EYS: variants seen among roughly 807,000 people sequenced by gnomAD.
EYS encodes protein eyes shut homolog.
EYS carries 250 observed loss-of-function variants against 282.1 expected under a neutral mutation model. That is an observed-to-expected ratio of 0.89 (90% CI 0.80 to 0.98). The LOEUF (loss-of-function observed/expected upper bound fraction) is 0.98. EYS is among the 50% of genes least tolerant of loss of function. The probability of loss-of-function intolerance (pLI) is 0.00; values close to 1 mark genes in which losing one functional copy is unlikely to be tolerated. For missense variants in EYS, 4,016 were observed against 3,709.0 expected, an observed-to-expected ratio of 1.08 and a Z score of -2.15; for synonymous variants, 1,355 against 1,282.9, an observed-to-expected ratio of 1.06 and a Z score of -1.20.
chr6:64,087,032 A>G (rs531253230), intron 31 of EYS, among the ~76,000 whole-genome samples: 1 of 152,178 alleles, frequency 6.6e-6, no homozygotes, highest in Non-Finnish European at 1.5e-5. Context: ...AAGTTTGGAT[A>G]TGAATTTGGA....
intron 29 of EYS, among the ~76,000 whole-genome samples, chr6:64,334,356 A>G (rs1561936010): frequency 6.6e-6 from 1 of 152,172 alleles, no homozygotes; most frequent in South Asian, 2.1e-4. Context: ...GGGAAGATCT[A>G]AGCTATCCGG....
At chr6:65,650,128 T>C (rs953109833) in intron 1 of EYS, among the ~76,000 whole-genome samples, 1 of 152,310 alleles carries the variant, frequency 6.6e-6, no homozygotes, top group African/African-American at 2.4e-5. Flanking sequence ...ATTCTCAGTG[T>C]TATCTGAGCA....
At chr6:65,271,128 T>A (rs1453051493) in intron 12 of EYS, among the ~76,000 whole-genome samples, 7 of 55,784 alleles carry the variant, frequency 1.3e-4, no homozygotes, top group African/African-American at 3.2e-4. Flanking sequence ...AATCAATAGA[T>A]TATATATATA....
chr6:65,483,775 A>G (rs1214078954), intron 5 of EYS, among the ~76,000 whole-genome samples: 1 of 152,166 alleles, frequency 6.6e-6, no homozygotes, highest in Non-Finnish European at 1.5e-5. Context: ...ACGGACCTAC[A>G]GTTCCACGTG....
rs557616907 is a variant in EYS at position 64,577,653 on chromosome 6, G to A, written c.5644+12570C>T. Among the ~76,000 whole-genome samples, 4 of 152,174 alleles carry A rather than the reference G, an allele frequency of 2.6e-5. No individual in the cohort carries two copies. In the South Asian group the frequency reaches 6.2e-4, roughly 24 times the overall value. On this transcript the variant is annotated intron_variant, in intron 26 of 42. Transcript: ENST00000503581. Reference sequence around the variant, plus strand: ...TCAATTTCCAAGAATGAGTATAGATGCACAACACTAAACATATATTTTAGA... The same window carrying A: ...TCAATTTCCAAGAATGAGTATAGATACACAACACTAAACATATATTTTAGA...
rs185306088 is a variant in EYS at position 64,639,588 on chromosome 6, G to T, written c.3444-13343C>A. ...TAATTCAAGGATTAAAGACTTAAAC[G>T]TTAGACCTAAAACCATAAAAACCCT... On this transcript the variant is annotated intron_variant, in intron 22 of 42. Transcript: ENST00000503581. 5.5e-5 allele frequency among the ~76,000 whole-genome samples: 5 copies of T among 90,798 alleles called. 2 individuals are homozygous for T. Among genetic ancestry groups the T allele is most frequent in the African/African-American group, 2.1e-4 (5 of 23,810 alleles). 59.6% of individuals were successfully genotyped at this position (90,798 alleles called of 152,430 possible).
intron 31 of EYS, among the ~76,000 whole-genome samples, chr6:64,108,802 C>T (rs928658744): frequency 3.3e-5 from 5 of 151,994 alleles, no homozygotes; most frequent in Non-Finnish European, 2.9e-5. Context: ...CCCCATCATC[C>T]CCATAATATT....
chr6:65,235,400 G>T (rs1766896113), intron 12 of EYS, among the ~76,000 whole-genome samples: 1 of 134,320 alleles, frequency 7.4e-6, no homozygotes, highest in Non-Finnish European at 1.6e-5. Context: ...AAAATATGTG[G>T]ATAAACTGCA....
At chr6:65,352,248 T>C (rs1038430310) in intron 9 of EYS, among the ~76,000 whole-genome samples, 15 of 151,922 alleles carry the variant, frequency 9.9e-5, no homozygotes, top group African/African-American at 3.4e-4. Context: ...TGTTGTGATG[T>C]AATACAATGT....
intron 5 of EYS, among the ~76,000 whole-genome samples, chr6:65,424,983 G>C (rs911925332): frequency 1.5e-4 from 23 of 152,066 alleles, no homozygotes; most frequent in African/African-American, 5.5e-4. Context: ...GTGTCTAAGG[G>C]TGTTATTGCA....
intron 36 of EYS, among the ~76,000 whole-genome samples, chr6:63,814,549 G>A (rs115937646): frequency 0.012 from 1,815 of 152,160 alleles, 31 homozygotes; most frequent in African/African-American, 0.042. Flanking sequence ...AACAAACAGA[G>A]TTTTACATTA....
chr6:65,435,507 G>T (rs982888407), intron 5 of EYS, among the ~76,000 whole-genome samples: 1 of 151,848 alleles, frequency 6.6e-6, no homozygotes, highest in African/African-American at 2.4e-5. Context: ...GTCTCTTATG[G>T]AATTACTAAG....
chr6:65,120,885 C>A (rs11970250), intron 12 of EYS, among the ~76,000 whole-genome samples: 2 of 151,960 alleles, frequency 1.3e-5, no homozygotes, highest in Non-Finnish European at 2.9e-5. Context: ...CTCTACTTCA[C>A]CTTAACACTT....
intron 8 of EYS, among the ~76,000 whole-genome samples, chr6:65,366,686 TA>T (rs1291989809): frequency 6.6e-6 from 1 of 151,658 alleles, no homozygotes; most frequent in Non-Finnish European, 1.5e-5. Flanking sequence ...TGCAGTGGCA[TA>T]AAACAACATT....
At chr6:64,883,173 T>C (rs1766975666) in intron 19 of EYS, among the ~76,000 whole-genome samples, 2 of 151,654 alleles carry the variant, frequency 1.3e-5, no homozygotes, top group Middle Eastern at 6.8e-3. Context: ...TTACTTCTTA[T>C]GTAGATTGGG....
At chr6:64,688,559 T>C (rs1231704456) in intron 22 of EYS, among the ~76,000 whole-genome samples, 2 of 152,190 alleles carry the variant, frequency 1.3e-5, no homozygotes, top group African/African-American at 4.8e-5. Flanking sequence ...AATCCTGAGT[T>C]CTAGTTTGAT....
At chr6:64,720,797 A>T (rs1317733543) in intron 22 of EYS, among the ~76,000 whole-genome samples, 1 of 152,192 alleles carries the variant, frequency 6.6e-6, no homozygotes, top group South Asian at 2.1e-4. Flanking sequence ...TTATCAATCT[A>T]TCCATCCATA....
chr6:63,949,829 G>A (rs1372317047), intron 35 of EYS, among the ~76,000 whole-genome samples: 1 of 152,148 alleles, frequency 6.6e-6, no homozygotes, highest in African/African-American at 2.4e-5. Flanking sequence ...GCCTTAGGTA[G>A]GTTCATTTGT....
At chr6:64,864,382 C>CTTTTTTTTTTTTTTTTTTTTT (rs1562231995) in intron 19 of EYS, among the ~76,000 whole-genome samples, 2 of 40,078 alleles carry the variant, frequency 5.0e-5, no homozygotes, top group African/African-American at 1.5e-4. Context: ...GGTGCTATAC[C>CTTTTTTTTTTTTTTTTTTTTT]TTCTTTTTTT....
Sources: gnomAD v4.1 joint callset for allele counts (sites outside exome capture counted in the v4.1 genomes callset) on GRCh38, gnomAD v4.1.1 for gene constraint, MANE v1.5 for transcripts, NCBI Gene and HGNC (gene_info 2026-07-23, HGNC 2026-07-21) for gene names.